Variants in RALYL observed in about 807,000 individuals in gnomAD.
RALYL encodes RNA-binding Raly-like protein.
A neutral mutation model predicts 35.1 loss-of-function variants in RALYL; 29 were observed. The ratio of observed to expected loss-of-function variants is 0.83; its 90% CI spans 0.61 to 1.13. RALYL has a LOEUF of 1.13. RALYL is among the 50% of genes most tolerant of loss of function. The pLI is 0.00. For missense variants in RALYL, 359 were observed against 360.4 expected, an observed-to-expected ratio of 1.00 and a Z score of 0.03; for synonymous variants, 120 against 127.6, an observed-to-expected ratio of 0.94 and a Z score of 0.40.
intron 2 of RALYL, among the ~76,000 whole-genome samples, chr8:84,634,047 C>T (rs1824499339): frequency 6.6e-6 from 1 of 151,874 alleles, no homozygotes; most frequent in African/African-American, 2.4e-5. Flanking sequence ...AATGTCATAA[C>T]TGTACTTATA....
intron 1 of RALYL, among the ~76,000 whole-genome samples, chr8:84,312,094 G>C (rs1405067787): frequency 2.6e-5 from 4 of 152,206 alleles, no homozygotes; most frequent in African/African-American, 9.7e-5. Context: ...TGAAGGGGAA[G>C]CAAGGACCTT....
chr8:84,469,734 C>T (rs555709486), intron 1 of RALYL, among the ~76,000 whole-genome samples: 2 of 152,238 alleles, frequency 1.3e-5, no homozygotes, highest in Non-Finnish European at 2.9e-5. Context: ...GCCCCTCCCC[C>T]AGCCTAGCTG....
At chr8:84,508,324 A>G (rs1177856892) in intron 1 of RALYL, among the ~76,000 whole-genome samples, 1 of 152,312 alleles carries the variant, frequency 6.6e-6, no homozygotes, top group East Asian at 1.9e-4. Context: ...TGCATCACAC[A>G]TAGGAAGGCT....
At chr8:84,663,439 C>T (rs1212439280) in intron 2 of RALYL, among the ~76,000 whole-genome samples, 2 of 152,068 alleles carry the variant, frequency 1.3e-5, no homozygotes, top group African/African-American at 4.8e-5. Flanking sequence ...TTTACACTCC[C>T]ACCAACAAAA....
intron 1 of RALYL, among the ~76,000 whole-genome samples, chr8:84,261,312 C>T (rs1443113826): frequency 6.6e-6 from 1 of 152,072 alleles, no homozygotes; most frequent in African/African-American, 2.4e-5. Context: ...TTGTAGTTCC[C>T]ATAATCCCCA....
In RALYL at chr8:84,521,500, T is replaced by C. The variant is rs2134677101; in HGVS notation, c.-23-7799T>C. The stretch of plus-strand genomic sequence containing the variant: ...AGCCAGTTGTGTTGTTTCATCTGCA[T>C]GAATGTGTTTAACCCCCTTATGAAC... On this transcript the variant is annotated intron_variant, in intron 1 of 8. Coordinates refer to ENST00000521268, the MANE Select transcript of RALYL (RefSeq NM_173848.7). Among the ~76,000 whole-genome samples the C allele has an allele frequency of 1.3e-5, 2 of 152,364 alleles. 1 individual carries two copies. Among genetic ancestry groups the C allele is most frequent in the South Asian group, 4.1e-4 (2 of 4,834 alleles).
intron 7 of RALYL, among the ~76,000 whole-genome samples, chr8:84,877,281 G>A (rs1349883774): frequency 6.6e-6 from 1 of 152,080 alleles, no homozygotes; most frequent in Non-Finnish European, 1.5e-5. Context: ...GAGGTTAGGA[G>A]TTCGAGACCA....
intron 2 of RALYL, among the ~76,000 whole-genome samples, chr8:84,600,425 ATCTTGTGACCATCCACTT>A (rs1332237033): frequency 3.9e-5 from 6 of 152,186 alleles, no homozygotes; most frequent in African/African-American, 1.4e-4. Context: ...TATTTAGTTT[ATCTTGTGACCATCCACTT>A]TCTGTTATTT....
In RALYL at chr8:84,427,551, A is replaced by C. The variant is rs544620471; in HGVS notation, c.-23-101748A>C. ...AAACATATGTATGCATTTAAAAAAA[A>C]ACCTTTCAAGATCTGTTCTTTAGTA... is the stretch of plus-strand genomic sequence containing the variant. On this transcript the variant is annotated intron_variant, in intron 1 of 8. Transcript: ENST00000521268. 1.4e-4 allele frequency among the ~76,000 whole-genome samples: 21 copies of C among 152,324 alleles called. No individual in the cohort carries two copies. The South Asian group carries it at 4.1e-3, about 30-fold the overall frequency.
chr8:84,875,774 G>T (rs1423139696), intron 7 of RALYL, among the ~76,000 whole-genome samples: 1 of 152,094 alleles, frequency 6.6e-6, no homozygotes, highest in Non-Finnish European at 1.5e-5. Flanking sequence ...ATTTTAAAAT[G>T]CTCAGTGGCT....
At chr8:84,459,058 A>G (rs2050453857) in intron 1 of RALYL, among the ~76,000 whole-genome samples, 1 of 151,764 alleles carries the variant, frequency 6.6e-6, no homozygotes, top group African/African-American at 2.4e-5. Flanking sequence ...TAATGTGACA[A>G]GAAGTAAAAA....
chr8:84,742,476 CT>C (rs1211984312), intron 2 of RALYL, among the ~76,000 whole-genome samples: 1 of 151,774 alleles, frequency 6.6e-6, no homozygotes. Context: ...AAAAATTAAC[CT>C]GAAAAAGTTA....
intron 8 of RALYL, among the ~76,000 whole-genome samples, chr8:84,908,008 C>A (rs192299728): frequency 5.3e-5 from 8 of 152,214 alleles, no homozygotes; most frequent in Admixed American, 4.6e-4. Flanking sequence ...TAAACTTTCT[C>A]ATTAATGCAA....
rs529185392 is a variant in RALYL at position 84,412,180 on chromosome 8, C to CAA, written c.-23-117111_-23-117110dup. ...ATTATATTACTTATTGTCTAGACAGCAAAAAAAAATACAAAGATACAAATC... is the reference window on the plus strand; with the variant it reads ...ATTATATTACTTATTGTCTAGACAGCAAAAAAAAAAATACAAAGATACAAATC... On this transcript the variant is annotated intron_variant, in intron 1 of 8. Transcript: ENST00000521268. Among the ~76,000 whole-genome samples the CAA allele has an allele frequency of 4.2e-3, 621 of 147,480 alleles. 5 individuals are homozygous for CAA. Among genetic ancestry groups the CAA allele is most frequent in the African/African-American group, 0.015 (587 of 40,356 alleles).
intron 1 of RALYL, among the ~76,000 whole-genome samples, chr8:84,431,305 C>T (rs2047113572): frequency 6.6e-6 from 1 of 152,106 alleles, no homozygotes. Context: ...AAATTGTGCA[C>T]TTGGCCAATA....
intron 2 of RALYL, among the ~76,000 whole-genome samples, chr8:84,570,563 C>T (rs147578025): frequency 1.3e-3 from 198 of 151,926 alleles, no homozygotes; most frequent in Middle Eastern, 3.4e-3. Flanking sequence ...AATTTGGATG[C>T]CTTTTATTTC....
intron 3 of RALYL, among the ~76,000 whole-genome samples, chr8:84,788,941 G>C (rs907696214): frequency 6.6e-6 from 1 of 152,334 alleles, no homozygotes; most frequent in Middle Eastern, 3.4e-3. Context: ...GCAGATTAGT[G>C]AGCAGGTAGG....
At chr8:84,373,819 T>G (rs1373202617) in intron 1 of RALYL, among the ~76,000 whole-genome samples, 1 of 152,044 alleles carries the variant, frequency 6.6e-6, no homozygotes, top group Non-Finnish European at 1.5e-5. Context: ...ATTTTTATGA[T>G]ACTGATTCTT....
chr8:84,245,935 A>G (rs1156499319), intron 1 of RALYL, among the ~76,000 whole-genome samples: 2 of 152,198 alleles, frequency 1.3e-5, no homozygotes, highest in Non-Finnish European at 2.9e-5. Context: ...TGCAGCTTTG[A>G]AAGCAAATGC....
Sources: allele counts gnomAD v4.1 joint callset (sites outside exome capture counted in the v4.1 genomes callset), GRCh38; gene constraint gnomAD v4.1.1; transcripts MANE v1.5; gene names NCBI Gene and HGNC (gene_info 2026-07-23, HGNC 2026-07-21).